RPH3A: variants seen among roughly 807,000 people sequenced by gnomAD.
RPH3A encodes rabphilin 3A.
Under a neutral mutation model 102.2 loss-of-function variants are expected in RPH3A, and 48 were observed. The ratio of observed to expected loss-of-function variants is 0.47; its 90% CI spans 0.37 to 0.60. RPH3A has a LOEUF of 0.60. Ranked by LOEUF, RPH3A falls within the 20% of genes least tolerant of loss-of-function variation. The pLI is 0.00. For missense variants in RPH3A, 781 were observed against 910.1 expected (o/e 0.86, Z 1.83); for synonymous variants, 310 against 324.3 (o/e 0.96, Z 0.47).
At chr12:112,804,695 C>G (rs527322905) in intron 2 of RPH3A, among the ~76,000 whole-genome samples, 2 of 152,190 alleles carry the variant, frequency 1.3e-5, no homozygotes, top group African/African-American at 4.8e-5. Flanking sequence ...CACAGCCCCC[C>G]GTACTTCAGT....
At chr12:112,877,419 T>C (rs905802293) in intron 13 of RPH3A, among the ~76,000 whole-genome samples, 83 of 141,660 alleles carry the variant, frequency 5.9e-4, no homozygotes, top group African/African-American at 9.3e-4. Context: ...CACACACGTA[T>C]ACACACACAC....
chr12:112,680,975 G>A (rs942529522), intron 1 of RPH3A, among the ~76,000 whole-genome samples: 2 of 148,748 alleles, frequency 1.3e-5, no homozygotes, highest in Non-Finnish European at 3.0e-5. Context: ...TCTTCTTCTC[G>A]CATTGCTCCC....
At chr12:112,659,701 A>G (rs1327720196) in intron 1 of RPH3A, among the ~76,000 whole-genome samples, 1 of 152,158 alleles carries the variant, frequency 6.6e-6, no homozygotes, top group African/African-American at 2.4e-5. Flanking sequence ...CTTTCTGTCA[A>G]TCAATCTATC....
chr12:112,613,811 G>A (rs1377059694), intron 1 of RPH3A, among the ~76,000 whole-genome samples: 1 of 152,140 alleles, frequency 6.6e-6, no homozygotes, highest in Non-Finnish European at 1.5e-5. Context: ...GGATGTGGTG[G>A]TACACGCCTG....
intron 1 of RPH3A, among the ~76,000 whole-genome samples, chr12:112,664,341 C>A (rs2040070197): frequency 6.6e-6 from 1 of 152,030 alleles, no homozygotes; most frequent in African/African-American, 2.4e-5. Flanking sequence ...GGGATTTAAG[C>A]AGGAGGTAAA....
Position 112,887,783 on chromosome 12 carries a change from T to G in RPH3A, c.1437-14T>G, listed in dbSNP as rs1312552940. 2.5e-6 allele frequency: 4 copies of G among 1,612,446 alleles called. No individual in the cohort carries two copies. In the African/African-American group the frequency reaches 4.0e-5, roughly 16 times the overall value. On this transcript the variant is annotated splice_polypyrimidine_tract_variant and intron_variant, in intron 16 of 21. Transcript: ENST00000389385. The stretch of plus-strand genomic sequence containing the variant: ...GTTCCTGTTTCTCTCTCTACCCCCT[T>G]GTGTTGGTGGCAGGATCTCCGTCTG...
At chr12:112,604,387 G>A (rs1434175337) in intron 1 of RPH3A, among the ~76,000 whole-genome samples, 3 of 152,156 alleles carry the variant, frequency 2.0e-5, no homozygotes, top group Non-Finnish European at 2.9e-5. Flanking sequence ...TCTGTGCTGA[G>A]AGTTACACTC....
chr12:112,633,722 ACAGT>A (rs768651603), intron 1 of RPH3A, among the ~76,000 whole-genome samples: 2 of 152,220 alleles, frequency 1.3e-5, no homozygotes, highest in Non-Finnish European at 2.9e-5. Flanking sequence ...ATGGAATAAG[ACAGT>A]CAGGTTTTTG....
chr12:112,790,024 G>T (rs950016520), upstream of RPH3A, among the ~76,000 whole-genome samples: 1 of 151,952 alleles, frequency 6.6e-6, no homozygotes, highest in Non-Finnish European at 1.5e-5. Flanking sequence ...GCACCACTGC[G>T]CTCCAGCTTG....
rs745574879 is a variant in RPH3A, at chr12:112,890,086, C to T, written c.1620+6C>T. ...TGGCCCTTTATGAGGAAGAGGTGAG[C>T]ACTGAGCAGGAATTGAAGCCACAGT... is the stretch of plus-strand genomic sequence containing the variant. On this transcript the variant is annotated splice_donor_region_variant and intron_variant, in intron 18 of 21. Coordinates refer to ENST00000389385, the MANE Select transcript of RPH3A (RefSeq NM_001143854.2). 5.6e-6 allele frequency: 9 copies of T among 1,612,958 alleles called. No individual in the cohort carries two copies. The South Asian group carries it at 7.7e-5, about 14-fold the overall frequency.
chr12:112,891,223 C>A, intron 19 of RPH3A: 1 of 569,346 alleles, frequency 1.8e-6, no homozygotes. Context: ...ACAGGCAAAG[C>A]TCTGTGGCTC....
chr12:112,634,549 C>CAAA (rs59376255), intron 1 of RPH3A, among the ~76,000 whole-genome samples: 4 of 103,908 alleles, frequency 3.8e-5, no homozygotes, highest in Admixed American at 1.1e-4. Context: ...GAGCAAGACT[C>CAAA]AAAAAAAAAA....
chr12:112,614,002 G>A (rs1030293196), intron 1 of RPH3A, among the ~76,000 whole-genome samples: 1 of 152,118 alleles, frequency 6.6e-6, no homozygotes, highest in African/African-American at 2.4e-5. Flanking sequence ...AGCAGAGATT[G>A]GGCTGATACG....
chr12:112,617,264 A>G (rs189192214), intron 1 of RPH3A, among the ~76,000 whole-genome samples: 15 of 152,340 alleles, frequency 9.8e-5, no homozygotes, highest in East Asian at 3.9e-4. Flanking sequence ...TGGTCCCTGC[A>G]TGTAATTAAG....
chr12:112,755,296 TATACACACACACACAC>T (rs2040815557), intron 1 of RPH3A, among the ~76,000 whole-genome samples: 1 of 95,150 alleles, frequency 1.1e-5, no homozygotes, highest in African/African-American at 5.3e-5. Flanking sequence ...TATATATGTA[TATACACACACACACAC>T]ACACACACAC....
chr12:112,727,582 A>G (rs1233523506), intron 1 of RPH3A, among the ~76,000 whole-genome samples: 1 of 147,856 alleles, frequency 6.8e-6, no homozygotes, highest in Non-Finnish European at 1.5e-5. Flanking sequence ...TGAGAAAATG[A>G]TAGGTGTTTC....
intron 7 of RPH3A, among the ~76,000 whole-genome samples, chr12:112,867,189 C>T (rs2042626556): frequency 6.6e-6 from 1 of 151,916 alleles, no homozygotes; most frequent in South Asian, 2.1e-4. Flanking sequence ...CTTGTTTGAG[C>T]CCTTTTCTTC....
At chr12:112,694,638 GCGCGCGCA>G (rs1566262752) in intron 1 of RPH3A, among the ~76,000 whole-genome samples, 2 of 108,956 alleles carry the variant, frequency 1.8e-5, no homozygotes, top group African/African-American at 4.4e-5. Flanking sequence ...ACGCACGCGC[GCGCGCGCA>G]CACGCACACA....
At chr12:112,793,313 G>GT (rs2041161039) in intron 2 of RPH3A, among the ~76,000 whole-genome samples, 1 of 152,194 alleles carries the variant, frequency 6.6e-6, no homozygotes, top group Non-Finnish European at 1.5e-5. Context: ...GAATGCCCTT[G>GT]TTTTTAGCAT....
Sources: gnomAD v4.1 joint callset for allele counts (sites outside exome capture counted in the v4.1 genomes callset) on GRCh38, gnomAD v4.1.1 for gene constraint, MANE v1.5 for transcripts, NCBI Gene and HGNC (gene_info 2026-07-23, HGNC 2026-07-21) for gene names.